Variants in ZC3H7A observed in about 807,000 individuals in gnomAD.
ZC3H7A encodes the protein zinc finger CCCH-type containing 7A.
In ZC3H7A, 44 loss-of-function variants were observed where a neutral mutation model predicts 125.5. The observed-to-expected ratio is 0.35, with a 90% CI of 0.28 to 0.45. ZC3H7A has a LOEUF of 0.45. Ranked by LOEUF, ZC3H7A falls within the 20% of genes least tolerant of loss-of-function variation. The pLI is 1.00. For synonymous variants in ZC3H7A, 399 were observed against 391.2 expected (o/e 1.02, Z -0.23); for missense variants, 977 against 1,170.7 (o/e 0.83, Z 2.41).
intron 21 of ZC3H7A, chr16:11,753,066 C>G (rs2052578466): frequency 2.1e-6 from 1 of 472,198 alleles, no homozygotes; most frequent in Non-Finnish European, 3.8e-6. Flanking sequence ...GCAATAGGAG[C>G]TGGTATGCAA....
intron 1 of ZC3H7A, among the ~76,000 whole-genome samples, chr16:11,785,643 C>T (rs1297655935): frequency 6.6e-6 from 1 of 151,744 alleles, no homozygotes; most frequent in Non-Finnish European, 1.5e-5. Flanking sequence ...TTTTTTGAGA[C>T]AGAGTCTCAC....
chr16:11,768,667 C>T (rs2052912056), intron 11 of ZC3H7A, 166 bp from the exon 12 acceptor site: 1 of 705,568 alleles, frequency 1.4e-6, no homozygotes, highest in South Asian at 4.2e-5. Context: ...TCTCTTTCTA[C>T]ATTTTTCTCT....
chr16:11,774,883 C>T, intron 8 of ZC3H7A, 97 bp downstream of exon 8: 2 of 1,352,116 alleles, frequency 1.5e-6, no homozygotes, highest in Non-Finnish European at 1.1e-6. Context: ...ATGAATATAA[C>T]CACACAGCGA....
intron 1 of ZC3H7A, among the ~76,000 whole-genome samples, chr16:11,786,932 C>T (rs964001920): frequency 1.1e-4 from 16 of 152,300 alleles, no homozygotes; most frequent in African/African-American, 3.9e-4. Flanking sequence ...CTAAACATCT[C>T]AGCACACACA....
intron 1 of ZC3H7A, among the ~76,000 whole-genome samples, chr16:11,793,220 G>T (rs1342834844): frequency 6.6e-6 from 1 of 152,156 alleles, no homozygotes; most frequent in Admixed American, 6.6e-5. Context: ...TGCCTAAAAA[G>T]GTATCCCTAC....
intron 4 of ZC3H7A, 88 bp downstream of exon 4, chr16:11,779,078 C>CT: frequency 8.6e-7 from 1 of 1,156,502 alleles, no homozygotes. Flanking sequence ...TTCTTAAAAA[C>CT]TTAAGAAATT....
chr16:11,786,646 T>C (rs144366869), intron 1 of ZC3H7A, among the ~76,000 whole-genome samples: 1 of 152,334 alleles, frequency 6.6e-6, no homozygotes, highest in East Asian at 1.9e-4. Context: ...CCTTTAGCTG[T>C]TTATAGATCT....
Position 11,754,799 on chromosome 16 carries a change from G to A in ZC3H7A, c.2562+1438C>T, listed in dbSNP as rs530306585. Among the ~76,000 whole-genome samples, 4 of 150,244 alleles carry A rather than the reference G, an allele frequency of 2.7e-5. No homozygotes were observed. The South Asian group carries it at 6.3e-4, about 24-fold the overall frequency. ...CCCAGCTACACGGGAGGCTGAGGCAGGAGAATTGCTTGAACCTGAGAGGCA... is the reference window on the plus strand; with the variant it reads ...CCCAGCTACACGGGAGGCTGAGGCAAGAGAATTGCTTGAACCTGAGAGGCA... On this transcript the variant is annotated intron_variant, in intron 21 of 22. Coordinates refer to ENST00000355758, the MANE Select transcript of ZC3H7A (RefSeq NM_014153.4).
intron 8 of ZC3H7A, 69 bp from the exon 9 acceptor site, chr16:11,774,588 A>T: frequency 7.1e-7 from 1 of 1,417,372 alleles, no homozygotes; most frequent in African/African-American, 1.4e-5. Context: ...TTAATCCCCA[A>T]TAATAGAGAT....
chr16:11,752,529 A>T, intron 22 of ZC3H7A, 140 bp downstream of exon 22: 2 of 1,090,508 alleles, frequency 1.8e-6, no homozygotes, highest in Non-Finnish European at 2.6e-6. Context: ...CTTTGAGCCA[A>T]AACCCAAGAA....
chr16:11,782,599 TTC>T (rs1491307400), intron 1 of ZC3H7A: 16 of 316,104 alleles, frequency 5.1e-5, no homozygotes, highest in South Asian at 6.4e-5. Context: ...CGTTTTCATA[TTC>T]TTTTTTTTTT....
chr16:11,760,847 G>A (rs1412751366), intron 19 of ZC3H7A, among the ~76,000 whole-genome samples: 1 of 152,214 alleles, frequency 6.6e-6, no homozygotes, highest in Non-Finnish European at 1.5e-5. Context: ...GTGGCACTGT[G>A]TGAATGAAAT....
Position 11,776,313 on chromosome 16 carries a change from A to T in ZC3H7A, c.585+7T>A, listed in dbSNP as rs373027827. 57 of 1,597,368 alleles carry T rather than the reference A, an allele frequency of 3.6e-5. No individual in the cohort carries two copies. In the African/African-American group the frequency reaches 5.5e-4, roughly 16 times the overall value. On this transcript the variant is annotated splice_region_variant and intron_variant, in intron 7 of 22. Coordinates refer to ENST00000355758, the MANE Select transcript of ZC3H7A (RefSeq NM_014153.4). ...AAATATAATTTTGACAGAAAAAATA[A>T]CTTTACCTTGGTAGCCCCATCCCCA... is the stretch of plus-strand genomic sequence containing the variant.
Position 11,779,362 on chromosome 16 carries a change from A to C in ZC3H7A, c.110T>G (p.Val37Gly). The C allele has an allele frequency of 6.2e-7, 1 of 1,606,376 alleles. No homozygotes were observed. Among genetic ancestry groups the C allele is most frequent in the South Asian group, 1.1e-5 (1 of 88,696 alleles). ...SYPGTQEQYA[V>G]YLRALVRNLF... ...ATTTCTCACGAGAGCACGCAAATAT[A>C]CCTAAAAAAAAGAAAGTTACCACTT... Residue 37 changes from valine to glycine, a missense_variant and splice_region_variant, in exon 4 of 23, where the codon GTA becomes GGA. Physicochemically the swap from Val to Gly is moderately radical, Grantham distance 109 (BLOSUM62 -3). Coordinates refer to ENST00000355758, the MANE Select transcript of ZC3H7A (RefSeq NM_014153.4).
intron 19 of ZC3H7A, 31 bp downstream of exon 19, chr16:11,761,375 A>T (rs771858663): frequency 2.9e-5 from 47 of 1,594,430 alleles, no homozygotes; most frequent in Middle Eastern, 1.7e-4. Flanking sequence ...TGCCTAATTT[A>T]AAAAAAGTGG....
Position 11,763,463 on chromosome 16 carries a change from C to T in ZC3H7A, c.2002+15G>A, listed in dbSNP as rs2052788540. On this transcript the variant is annotated intron_variant, in intron 16 of 22. Coordinates refer to ENST00000355758, the MANE Select transcript of ZC3H7A (RefSeq NM_014153.4). Reference sequence around the variant, plus strand: ...CTCTTGAGGAGACATACTTCTCAGTCGCACTCAAACCTACCTGTTTCATTT... The same window carrying T: ...CTCTTGAGGAGACATACTTCTCAGTTGCACTCAAACCTACCTGTTTCATTT... 3 of 1,587,470 alleles carry T rather than the reference C, an allele frequency of 1.9e-6. No homozygotes were observed. The highest frequency in any genetic ancestry group is 1.1e-5 in the South Asian group (1 of 87,354).
At chr16:11,793,913 G>A (rs578227072) in intron 1 of ZC3H7A, among the ~76,000 whole-genome samples, 3 of 152,136 alleles carry the variant, frequency 2.0e-5, no homozygotes, top group Non-Finnish European at 4.4e-5. Context: ...CCCCCCACAG[G>A]AACTATTCAC....
intron 7 of ZC3H7A, 99 bp from the exon 8 acceptor site, chr16:11,775,112 C>T: frequency 7.6e-7 from 1 of 1,317,466 alleles, no homozygotes; most frequent in Non-Finnish European, 1.1e-6. Flanking sequence ...GTGGCTCACG[C>T]CTGTAATCCC....
Position 11,751,332 on chromosome 16 carries a change from A to T in ZC3H7A, c.2901T>A (p.Phe967Leu), listed in dbSNP as rs1188844874. Reference sequence around the variant, plus strand: ...AGCCAGCATATTAGTTTAAATCTTTAAACAAAAAACTATATTTTCCAAAGT... The same window carrying T: ...AGCCAGCATATTAGTTTAAATCTTTTAACAAAAAACTATATTTTCCAAAGT... The part of the protein sequence containing the change: ...DNDFGKYSFL[F>L]KDLN The change falls in exon 23 of 23, where the codon TTT becomes TTA. Residue 967 changes from phenylalanine to leucine, a missense_variant. Around this residue, in one of 3 missense-constraint regions of ZC3H7A, gnomAD observed 436 missense variants for 603.2 expected, o/e 0.72. Coordinates refer to ENST00000355758, the MANE Select transcript of ZC3H7A (RefSeq NM_014153.4). The T allele has an allele frequency of 6.2e-7, 1 of 1,611,994 alleles. No homozygotes were observed. Among genetic ancestry groups the T allele is most frequent in the Non-Finnish European group, 8.5e-7 (1 of 1,179,418 alleles).
Sources: allele counts gnomAD v4.1 joint callset (sites outside exome capture counted in the v4.1 genomes callset), GRCh38; gene constraint gnomAD v4.1.1; regional missense constraint gnomAD v4.1.1; transcripts MANE v1.5; gene names NCBI Gene and HGNC (gene_info 2026-07-23, HGNC 2026-07-21).